Variants in SATB1 observed in about 807,000 individuals in gnomAD.
The protein encoded by SATB1 is SATB homeobox 1.
Under a neutral mutation model 86.9 loss-of-function variants are expected in SATB1, and 11 were observed. That is an observed-to-expected ratio of 0.13 (90% confidence interval 0.08 to 0.21). SATB1 has a LOEUF of 0.21. Among genes scored for constraint, SATB1 ranks in the 10% least tolerant of loss-of-function variants. The pLI, the probability that SATB1 is intolerant of heterozygous loss-of-function variation, is 1.00. For synonymous variants in SATB1, 357 were observed against 357.2 expected (o/e 1.00, Z 0.01); for missense variants, 551 against 937.6 (o/e 0.59, Z 5.39).
At position 18,349,212 on chromosome 3, in the gene SATB1, T is replaced by A; in HGVS notation, c.2250A>T (p.Ser750=). 6.2e-7 allele frequency: 1 copy of A among 1,614,172 alleles called. No homozygotes were observed. Among genetic ancestry groups the A allele is most frequent in the South Asian group, 1.1e-5 (1 of 91,082 alleles). ...TATTAATGTCTGTGTTTCCTTCCAC[T>A]GACAGCTCTTCTTCTAGTTTCACTG... ...LFSVKLEEEL[S]VEGNTDINTD... Residue 750 remains serine (S), a synonymous_variant, in exon 11 of 11, where the codon TCA becomes TCT. Coordinates refer to ENST00000338745, the MANE Select transcript of SATB1 (RefSeq NM_002971.6). The surrounding 1 kb of genome is among the most constrained non-coding windows in gnomAD (Gnocchi z 5.5).
intron 9 of SATB1, among the ~76,000 whole-genome samples, chr3:18,371,626 C>T (rs1469858550): frequency 1.3e-5 from 2 of 152,156 alleles, no homozygotes; most frequent in Non-Finnish European, 1.5e-5. Flanking sequence ...TTTAATGGTA[C>T]AGTTTCTTCC....
chr3:18,416,059 C>T lies in SATB1; in HGVS notation c.463G>A (p.Asp155Asn). 1 of 1,610,432 alleles carries T rather than the reference C, an allele frequency of 6.2e-7. No individual in the cohort carries two copies. Among genetic ancestry groups the T allele is most frequent in the Non-Finnish European group, 8.5e-7 (1 of 1,177,696 alleles). ...ACATGATACACATCTTGAAGCATAT[C>T]TGCTACTGTAGCATCAGGGGCATCT... is the stretch of plus-strand genomic sequence containing the variant. ...VTDAPDATVA[D>N]MLQDVYHVVT... The change falls in exon 4 of 11, where the codon GAT (aspartate) becomes AAT (asparagine). Residue 155 changes from aspartate (D) to asparagine (N), a missense_variant. Asp to Asn is a conservative substitution (Grantham distance 23). This residue lies in a region of SATB1 where 153 missense variants were observed against 258.1 expected (regional missense o/e 0.59). Coordinates refer to ENST00000338745, the MANE Select transcript of SATB1 (RefSeq NM_002971.6).
chr3:18,392,540 T>C (rs1019500052), intron 7 of SATB1, among the ~76,000 whole-genome samples: 4 of 148,434 alleles, frequency 2.7e-5, no homozygotes, highest in East Asian at 2.2e-4. Flanking sequence ...AGTAACTATA[T>C]ATATACACAT....
intron 7 of SATB1, among the ~76,000 whole-genome samples, chr3:18,389,106 A>G (rs1206876894): frequency 6.6e-6 from 1 of 152,044 alleles, no homozygotes. Context: ...TTAGGGGCAA[A>G]GCATTTTACT....
At chr3:18,399,775 C>T (rs1029957598) in intron 5 of SATB1, among the ~76,000 whole-genome samples, 3 of 152,086 alleles carry the variant, frequency 2.0e-5, no homozygotes, top group East Asian at 1.9e-4. Flanking sequence ...TTTTTGGATT[C>T]CCTATCTTTT....
upstream of SATB1, among the ~76,000 whole-genome samples, chr3:18,440,626 A>T (rs1351896772): frequency 6.6e-6 from 1 of 152,214 alleles, no homozygotes; most frequent in African/African-American, 2.4e-5. Context: ...TTCATTCCAC[A>T]CGAGGAACAG....
In SATB1 at chr3:18,431,819, G is replaced by C. The variant is rs906344855; in HGVS notation, c.-25+4970C>G. ...TAAAAAGGCAATAAAAGTGGGGGCA[G>C]GAAGCTACTGGATCATTGATTTGGC... On this transcript the variant is annotated intron_variant, in intron 2 of 3. Coordinates refer to the SATB1 transcript ENST00000414509. 2.6e-5 allele frequency among the ~76,000 whole-genome samples: 4 copies of C among 152,182 alleles called. No individual in the cohort carries two copies. In the South Asian group the frequency reaches 6.2e-4, roughly 24 times the overall value.
chr3:18,381,248 T>G (rs1410537411), intron 8 of SATB1, among the ~76,000 whole-genome samples: 2 of 152,190 alleles, frequency 1.3e-5, no homozygotes, highest in Non-Finnish European at 2.9e-5. Context: ...CTTTTAGATT[T>G]TACACGAAAT....
intron 5 of SATB1, among the ~76,000 whole-genome samples, chr3:18,405,640 C>A (rs1184774572): frequency 1.3e-5 from 2 of 151,870 alleles, no homozygotes. Flanking sequence ...TAGCTCTTTA[C>A]AGGGCCACAG....
At chr3:18,419,144 A>G (rs1191440338) in intron 2 of SATB1, among the ~76,000 whole-genome samples, 1 of 152,212 alleles carries the variant, frequency 6.6e-6, no homozygotes, top group Non-Finnish European at 1.5e-5. Context: ...GTACCCTAAA[A>G]TAATAAAGAC....
chr3:18,420,540 T>A, intron 2 of SATB1: 1 of 554,070 alleles, frequency 1.8e-6, no homozygotes, highest in South Asian at 2.3e-5. Flanking sequence ...AAATGTTCCA[T>A]GATTCCAGTC....
intron 9 of SATB1, among the ~76,000 whole-genome samples, chr3:18,374,051 G>A (rs971689880): frequency 1.3e-4 from 20 of 152,152 alleles, no homozygotes; most frequent in African/African-American, 2.4e-5. Context: ...ATGCAGTGTG[G>A]TTCTGTGAAA....
At chr3:18,405,475 G>C (rs952206179) in intron 5 of SATB1, among the ~76,000 whole-genome samples, 2 of 151,952 alleles carry the variant, frequency 1.3e-5, no homozygotes, top group Non-Finnish European at 2.9e-5. Flanking sequence ...AGTACTTTGA[G>C]CAATTCATTT....
chr3:18,437,586 A>T (rs1313074517), intron 1 of SATB1, among the ~76,000 whole-genome samples: 1 of 152,222 alleles, frequency 6.6e-6, no homozygotes, highest in Non-Finnish European at 1.5e-5. Flanking sequence ...TATTATTAAA[A>T]TACAGTGATT....
At chr3:18,389,960 C>T (rs188389799) in intron 7 of SATB1, among the ~76,000 whole-genome samples, 17 of 152,094 alleles carry the variant, frequency 1.1e-4, no homozygotes, top group South Asian at 4.1e-4. Flanking sequence ...CATTACATAG[C>T]GGTTAAGTCA....
At chr3:18,405,602 A>T (rs1697489824) in intron 5 of SATB1, among the ~76,000 whole-genome samples, 1 of 151,954 alleles carries the variant, frequency 6.6e-6, no homozygotes, top group South Asian at 2.1e-4. Flanking sequence ...ACTGCCTAAA[A>T]ATTGGAGGTA....
chr3:18,394,358 G>A lies in SATB1; in HGVS notation c.1206+104C>T, dbSNP rs1311748942. ...TAATATGATCACATGAAGAGAGAGA[G>A]AAAATGTTAGTACAGAAGTAAAAGA... On this transcript the variant is annotated intron_variant, in intron 7 of 10. Transcript: ENST00000338745. The surrounding 1 kb of genome is among the most constrained non-coding windows in gnomAD (Gnocchi z 5.9). The A allele has an allele frequency of 4.2e-6, 4 of 957,708 alleles. No individual in the cohort carries two copies. In the African/African-American group the frequency reaches 6.6e-5, roughly 16 times the overall value. 59.3% of individuals were successfully genotyped at this position (957,708 alleles called of 1,614,324 possible).
intron 5 of SATB1, among the ~76,000 whole-genome samples, chr3:18,411,612 G>C (rs1697846161): frequency 6.6e-6 from 1 of 151,340 alleles, no homozygotes; most frequent in Admixed American, 6.6e-5. Context: ...ATGACTACAG[G>C]CTCTCTTGTC....
In SATB1 at chr3:18,354,440, C is replaced by T. The variant is rs77087059; in HGVS notation, c.1576-2245G>A. Among the ~76,000 whole-genome samples, 472 of 152,194 alleles carry T rather than the reference C, an allele frequency of 3.1e-3. 1 individual carries two copies. The highest frequency in any genetic ancestry group is 0.011 in the African/African-American group (447 of 41,534). On this transcript the variant is annotated intron_variant, in intron 9 of 10. Transcript: ENST00000338745. The stretch of plus-strand genomic sequence containing the variant: ...ACAGCAAATCACACAGTTTTATATA[C>T]CTTTCAAAAGAAGTTAGAGGTTCAT...
Sources: gnomAD v4.1 joint callset for allele counts (sites outside exome capture counted in the v4.1 genomes callset) on GRCh38, gnomAD v4.1.1 for gene constraint, gnomAD v4.1.1 regional missense constraint, Gnocchi (gnomAD v3.1) non-coding constraint, MANE v1.5 for transcripts, NCBI Gene and HGNC (gene_info 2026-07-23, HGNC 2026-07-21) for gene names.